The following CACNA2D3 variants were observed in gnomAD, a reference collection of about 807,000 sequenced individuals.
The protein encoded by CACNA2D3 is calcium voltage-gated channel auxiliary subunit alpha2delta 3.
Under a neutral mutation model 160.6 loss-of-function variants are expected in CACNA2D3, and 60 were observed. The ratio of observed to expected loss-of-function variants is 0.37; its 90% CI spans 0.30 to 0.46. The LOEUF (loss-of-function observed/expected upper bound fraction) is 0.46, where lower values mean the gene tolerates loss of function less well. Ranked by LOEUF, CACNA2D3 falls within the 20% of genes least tolerant of loss-of-function variation. The pLI is 1.00. For missense variants in CACNA2D3, 1,205 were observed against 1,365.0 expected, an observed-to-expected ratio of 0.88 and a Z score of 1.85; for synonymous variants, 558 against 492.9, an observed-to-expected ratio of 1.13 and a Z score of -1.75.
intron 2 of CACNA2D3, among the ~76,000 whole-genome samples, chr3:54,263,934 T>G (rs572624098): frequency 1.3e-5 from 2 of 152,322 alleles, no homozygotes; most frequent in African/African-American, 4.8e-5. Flanking sequence ...ATGACATTTG[T>G]TAAACTTCAT....
At chr3:54,228,479 T>C (rs1289326085) in intron 2 of CACNA2D3, among the ~76,000 whole-genome samples, 1 of 152,252 alleles carries the variant, frequency 6.6e-6, no homozygotes, top group East Asian at 1.9e-4. Context: ...CAAGTATTTA[T>C]TGACTTGCCA....
chr3:54,745,122 A>C (rs1467922812), intron 11 of CACNA2D3, among the ~76,000 whole-genome samples: 1 of 152,254 alleles, frequency 6.6e-6, no homozygotes, highest in African/African-American at 2.4e-5. Flanking sequence ...CCATACCATG[A>C]AGGGACACAC....
chr3:54,122,838 A>G lies in CACNA2D3; in HGVS notation c.122+3A>G. The G allele has an allele frequency of 1.6e-6, 2 of 1,226,596 alleles. No individual in the cohort carries two copies. Among genetic ancestry groups the G allele is most frequent in the Non-Finnish European group, 2.0e-6 (2 of 979,000 alleles). 76.0% of individuals were successfully genotyped at this position (1,226,596 alleles called of 1,614,324 possible). On this transcript the variant is annotated splice_donor_region_variant and intron_variant, in intron 1 of 37. Coordinates refer to ENST00000474759, the MANE Select transcript of CACNA2D3 (RefSeq NM_018398.3). Reference sequence around the variant, plus strand: ...GAGCAGCAGATACCGCTCTCCGTGTAAGTGCCGGCTCCTGCGCCGCCCGGG... The same window carrying G: ...GAGCAGCAGATACCGCTCTCCGTGTGAGTGCCGGCTCCTGCGCCGCCCGGG...
chr3:54,379,196 A>T (rs1309752273), intron 3 of CACNA2D3, among the ~76,000 whole-genome samples: 1 of 152,200 alleles, frequency 6.6e-6, no homozygotes, highest in Non-Finnish European at 1.5e-5. Context: ...TAGCTTTTAT[A>T]ATCCACTTTG....
At chr3:54,911,692 C>T (rs951377662) in intron 27 of CACNA2D3, among the ~76,000 whole-genome samples, 4 of 152,114 alleles carry the variant, frequency 2.6e-5, no homozygotes, top group African/African-American at 9.7e-5. Context: ...TCTACCGCTT[C>T]CCCTGTCTTC....
chr3:54,816,738 C>T, intron 13 of CACNA2D3, 115 bp from the exon 14 acceptor site: 1 of 1,108,816 alleles, frequency 9.0e-7, no homozygotes, highest in Admixed American at 2.1e-5. Context: ...TTTCACTTGT[C>T]TCCCCATTTT....
chr3:54,422,098 G>T (rs907264353), intron 4 of CACNA2D3, among the ~76,000 whole-genome samples: 2 of 152,200 alleles, frequency 1.3e-5, no homozygotes, highest in Admixed American at 6.5e-5. Flanking sequence ...CTGCATGTCA[G>T]GGTTCACTGG....
intron 17 of CACNA2D3, among the ~76,000 whole-genome samples, chr3:54,849,848 C>T (rs1699017539): frequency 1.3e-5 from 2 of 152,330 alleles, no homozygotes; most frequent in South Asian, 4.1e-4. Flanking sequence ...TCGGCCCCTA[C>T]AGCCAGAGGA....
At chr3:54,153,071 C>A (rs1341575331) in intron 2 of CACNA2D3, among the ~76,000 whole-genome samples, 3 of 152,152 alleles carry the variant, frequency 2.0e-5, no homozygotes, top group Non-Finnish European at 4.4e-5. Flanking sequence ...AGAATGCAAA[C>A]AGATTCTTCT....
chr3:54,396,654 C>T (rs1289097144), intron 4 of CACNA2D3, among the ~76,000 whole-genome samples: 1 of 54,882 alleles, frequency 1.8e-5, no homozygotes, highest in East Asian at 5.2e-4. Context: ...CCTTGCATCC[C>T]AGGGATGAAG....
intron 35 of CACNA2D3, among the ~76,000 whole-genome samples, chr3:55,057,299 T>C (rs1704387391): frequency 6.6e-6 from 1 of 152,232 alleles, no homozygotes; most frequent in Non-Finnish European, 1.5e-5. Flanking sequence ...TACAGATATG[T>C]AAACAATCTT....
intron 4 of CACNA2D3, among the ~76,000 whole-genome samples, chr3:54,429,978 CA>C (rs1392436607): frequency 6.6e-6 from 1 of 152,104 alleles, no homozygotes; most frequent in Admixed American, 6.5e-5. Context: ...CTGTTTAGAG[CA>C]ATAGGGAATG....
chr3:54,481,668 C>G (rs1291897088), intron 4 of CACNA2D3, among the ~76,000 whole-genome samples: 1 of 152,180 alleles, frequency 6.6e-6, no homozygotes, highest in African/African-American at 2.4e-5. Flanking sequence ...TTATTCCACC[C>G]CTGACTACAG....
intron 2 of CACNA2D3, among the ~76,000 whole-genome samples, chr3:54,136,073 C>A (rs536442092): frequency 3.9e-5 from 6 of 152,324 alleles, no homozygotes; most frequent in African/African-American, 1.4e-4. Context: ...GAAATCTGTT[C>A]TAGTTTATGC....
At chr3:54,915,618 T>G (rs1700644935) in intron 27 of CACNA2D3, among the ~76,000 whole-genome samples, 1 of 152,244 alleles carries the variant, frequency 6.6e-6, no homozygotes, top group African/African-American at 2.4e-5. Context: ...CAGAATACCC[T>G]GCAAATTGGG....
At chr3:54,560,396 G>T (rs943437014) in intron 5 of CACNA2D3, among the ~76,000 whole-genome samples, 1 of 152,176 alleles carries the variant, frequency 6.6e-6, no homozygotes, top group African/African-American at 2.4e-5. Context: ...TTTGAGAAGT[G>T]TCTGTTCATT....
chr3:54,282,267 A>G (rs760151456), intron 2 of CACNA2D3, among the ~76,000 whole-genome samples: 9 of 152,220 alleles, frequency 5.9e-5, no homozygotes, highest in Non-Finnish European at 1.2e-4. Flanking sequence ...ATGTTTTTCA[A>G]TGAATATTTA....
chr3:54,780,588 C>T (rs1448619476), intron 13 of CACNA2D3, among the ~76,000 whole-genome samples: 3 of 152,140 alleles, frequency 2.0e-5, no homozygotes, highest in Non-Finnish European at 4.4e-5. Flanking sequence ...CATGCAGGTC[C>T]ATGAAGCTTC....
At chr3:54,462,607 T>G (rs1171445476) in intron 4 of CACNA2D3, among the ~76,000 whole-genome samples, 1 of 152,172 alleles carries the variant, frequency 6.6e-6, no homozygotes, top group African/African-American at 2.4e-5. Context: ...CCCCTGCCTT[T>G]TTTTGTTTTC....
Sources: allele counts gnomAD v4.1 joint callset (sites outside exome capture counted in the v4.1 genomes callset), GRCh38; gene constraint gnomAD v4.1.1; transcripts MANE v1.5; gene names NCBI Gene and HGNC (gene_info 2026-07-23, HGNC 2026-07-21).